POC1A: variants seen among roughly 807,000 people sequenced by gnomAD.
The protein encoded by POC1A is POC1 centriolar protein homolog A.
In POC1A, 34 loss-of-function variants were observed where a neutral mutation model predicts 47.8. The observed-to-expected ratio is 0.71, with a 90% CI of 0.54 to 0.95. The LOEUF (loss-of-function observed/expected upper bound fraction) is 0.95. Among genes scored for constraint, POC1A ranks in the 40% least tolerant of loss-of-function variants. POC1A has a pLI of 0.00. For missense variants in POC1A, 466 were observed against 528.3 expected (o/e 0.88, Z 1.16); for synonymous variants, 177 against 207.6 (o/e 0.85, Z 1.27).
chr3:52,143,061 G>A (rs1210415579), intron 6 of POC1A, among the ~76,000 whole-genome samples: 2 of 152,046 alleles, frequency 1.3e-5, no homozygotes, highest in Non-Finnish European at 2.9e-5. Flanking sequence ...CATTGAGCAG[G>A]GAGCTCAGGG....
At chr3:52,113,572 T>G (rs985272305) in intron 9 of POC1A, among the ~76,000 whole-genome samples, 9 of 152,106 alleles carry the variant, frequency 5.9e-5, no homozygotes, top group Admixed American at 3.3e-4. Context: ...TGTGGTGGTG[T>G]GCACCTGTAA....
rs1450025026 is a variant in POC1A, at chr3:52,090,972, C to A, written c.1125+5597G>T. Among the ~76,000 whole-genome samples the A allele has an allele frequency of 6.6e-6, 1 of 152,238 alleles. No homozygotes were observed. Among genetic ancestry groups the A allele is most frequent in the Non-Finnish European group, 1.5e-5 (1 of 68,042 alleles). Reference sequence around the variant, plus strand: ...CAGACAGAGGGGCAGCGCTTAAAATCTCCCCTTGGTGGAAAGCCAAAAAGA... The same window carrying A: ...CAGACAGAGGGGCAGCGCTTAAAATATCCCCTTGGTGGAAAGCCAAAAAGA... On this transcript the variant is annotated intron_variant, in intron 10 of 10. Transcript: ENST00000296484. This position sits in a 1 kb window ranked among gnomAD's most constrained non-coding sequence, Gnocchi z 4.2.
Position 52,075,788 on chromosome 3 carries a change from CCA to C in POC1A, c.*97_*98del. 6.7e-6 allele frequency: 6 copies of C among 891,664 alleles called. No homozygotes were observed. Among genetic ancestry groups the C allele is most frequent in the South Asian group, 5.3e-5 (4 of 75,628 alleles). The allele number at this position is 891,664 out of a possible 1,614,324, so 55.2% of individuals were successfully genotyped here. A position where few individuals can be genotyped will look rare whatever the true frequency, so the allele number is the denominator to read the frequency against. ...CAGGGCTCCAGTATGGATGTGATTCCCACAGAGTTCAGTCCCCTTTATTTACC... is the reference window on the plus strand; with the variant it reads ...CAGGGCTCCAGTATGGATGTGATTCCCAGAGTTCAGTCCCCTTTATTTACC... On this transcript the variant is annotated 3_prime_UTR_variant, in exon 11 of 11. Transcript: ENST00000296484.
At chr3:52,136,413 G>A (rs1704467077) in intron 7 of POC1A, among the ~76,000 whole-genome samples, 1 of 152,234 alleles carries the variant, frequency 6.6e-6, no homozygotes, top group Non-Finnish European at 1.5e-5. Flanking sequence ...AGCTCTGTCA[G>A]CCTCCCTGTG....
intron 7 of POC1A, among the ~76,000 whole-genome samples, chr3:52,125,610 C>T (rs1339494467): frequency 6.6e-6 from 1 of 152,158 alleles, no homozygotes; most frequent in Non-Finnish European, 1.5e-5. Context: ...ATCTCCCCAA[C>T]ACTGCACAGT....
At chr3:52,096,101 G>A (rs1053184109) in intron 10 of POC1A, among the ~76,000 whole-genome samples, 25 of 152,364 alleles carry the variant, frequency 1.6e-4, no homozygotes, top group East Asian at 7.7e-4. Flanking sequence ...GCACATTACA[G>A]ATAAACATAC....
intron 8 of POC1A, among the ~76,000 whole-genome samples, chr3:52,123,946 TC>T (rs1292849054): frequency 6.6e-6 from 1 of 152,206 alleles, no homozygotes; most frequent in Non-Finnish European, 1.5e-5. Context: ...GCCTTCCTCC[TC>T]CCTCGTCTGC....
chr3:52,081,621 A>G (rs1443801586), intron 10 of POC1A, among the ~76,000 whole-genome samples: 1 of 152,150 alleles, frequency 6.6e-6, no homozygotes, highest in East Asian at 1.9e-4. Context: ...CGTGTGCTGG[A>G]GCAAGAAGAG....
At chr3:52,154,203 G>GC in intron 1 of POC1A, 152 bp downstream of exon 1, 2 of 782,340 alleles carry the variant, frequency 2.6e-6, no homozygotes, top group Admixed American at 3.1e-5. Context: ...CCGACCCAGC[G>GC]CCCCCTGCGC....
At chr3:52,107,817 A>G (rs144877716) in intron 9 of POC1A, among the ~76,000 whole-genome samples, 2 of 152,366 alleles carry the variant, frequency 1.3e-5, no homozygotes, top group Non-Finnish European at 2.9e-5. Flanking sequence ...GTCTTACACA[A>G]CCATAGGACA....
At chr3:52,152,346 G>A (rs927089924) in intron 1 of POC1A, among the ~76,000 whole-genome samples, 1 of 152,156 alleles carries the variant, frequency 6.6e-6, no homozygotes, top group Non-Finnish European at 1.5e-5. Context: ...AAGGCGGGCA[G>A]ATTACCTGAG....
intron 6 of POC1A, among the ~76,000 whole-genome samples, chr3:52,144,199 G>A (rs999722288): frequency 1.3e-5 from 2 of 152,168 alleles, no homozygotes; most frequent in Non-Finnish European, 2.9e-5. Flanking sequence ...CCCTGTCCAA[G>A]TCCTCCCTCC....
chr3:52,145,138 G>A (rs562245146), intron 6 of POC1A, among the ~76,000 whole-genome samples: 129 of 152,216 alleles, frequency 8.5e-4, no homozygotes, highest in Non-Finnish European at 1.5e-3. Context: ...CCTGGAACTG[G>A]GGCGCCTCAT....
chr3:52,143,632 G>A (rs1017442688), intron 6 of POC1A, among the ~76,000 whole-genome samples: 3 of 152,108 alleles, frequency 2.0e-5, no homozygotes, highest in African/African-American at 7.2e-5. Context: ...CACCCCAACA[G>A]GGTCAGCTTC....
At chr3:52,133,684 T>C (rs951525498) in intron 7 of POC1A, among the ~76,000 whole-genome samples, 1 of 152,152 alleles carries the variant, frequency 6.6e-6, no homozygotes, top group Non-Finnish European at 1.5e-5. Context: ...GAGTTTGGCC[T>C]CAACTCAGAC....
intron 2 of POC1A, among the ~76,000 whole-genome samples, 166 bp downstream of exon 2, chr3:52,150,850 T>C (rs1386444396): frequency 3.9e-5 from 6 of 152,092 alleles, no homozygotes; most frequent in South Asian, 2.1e-4. Flanking sequence ...ATGAAGCTCA[T>C]GAAGCCCAGT....
chr3:52,149,056 T>C (rs1367913321), intron 4 of POC1A, among the ~76,000 whole-genome samples, 154 bp downstream of exon 4: 1 of 152,196 alleles, frequency 6.6e-6, no homozygotes, highest in Non-Finnish European at 1.5e-5. Flanking sequence ...GAGCTATTAT[T>C]GTTCCATTTT....
intron 6 of POC1A, 48 bp downstream of exon 6, chr3:52,145,798 A>G: frequency 8.3e-7 from 1 of 1,209,586 alleles, no homozygotes; most frequent in Non-Finnish European, 1.2e-6. Context: ...ACACCATCAC[A>G]GTCCCACCAG....
chr3:52,115,322 T>G (rs1703524728), intron 9 of POC1A, among the ~76,000 whole-genome samples: 1 of 152,024 alleles, frequency 6.6e-6, no homozygotes, highest in East Asian at 1.9e-4. Context: ...AGGATTGGGG[T>G]CAAGTGGAGA....
Sources: allele counts gnomAD v4.1 joint callset (sites outside exome capture counted in the v4.1 genomes callset), GRCh38; gene constraint gnomAD v4.1.1; non-coding constraint Gnocchi (gnomAD v3.1); transcripts MANE v1.5; gene names NCBI Gene and HGNC (gene_info 2026-07-23, HGNC 2026-07-21).